GRAMD1A: variants seen among roughly 807,000 people sequenced by gnomAD.
GRAMD1A encodes the protein GRAM domain containing 1A, also known as protein Aster-A.
A neutral mutation model predicts 92.0 loss-of-function variants in GRAMD1A; 50 were observed. The observed-to-expected ratio is 0.54, with a 90% CI of 0.43 to 0.69. The LOEUF (loss-of-function observed/expected upper bound fraction) is 0.69, where lower values mean the gene tolerates loss of function less well. Among genes scored for constraint, GRAMD1A ranks in the 30% least tolerant of loss-of-function variants. The pLI, the probability that GRAMD1A is intolerant of heterozygous loss-of-function variation, is 0.00. For synonymous variants in GRAMD1A, 405 were observed against 403.6 expected (o/e 1.00, Z -0.04); for missense variants, 819 against 978.9 (o/e 0.84, Z 2.18).
At chr19:35,010,023 C>T (rs766742964) in intron 4 of GRAMD1A, 51 bp downstream of exon 4, 47 of 1,530,292 alleles carry the variant, frequency 3.1e-5, no homozygotes, top group South Asian at 4.5e-5. Flanking sequence ...TGTGACTCTC[C>T]GCCAGCCCGC....
At chr19:34,997,388 C>CAAAAAAAAAAAAAAAAAAA (rs540666102), upstream of GRAMD1A, among the ~76,000 whole-genome samples, 2 of 113,250 alleles carry the variant, frequency 1.8e-5, no homozygotes, top group Admixed American at 1.0e-4. Context: ...GCCAAAAAAA[C>CAAAAAAAAAAAAAAAAAAA]AAAAAAAAAA....
intron 13 of GRAMD1A, among the ~76,000 whole-genome samples, chr19:35,020,062 T>C (rs1600330411): frequency 6.7e-6 from 1 of 149,470 alleles, no homozygotes; most frequent in Admixed American, 6.7e-5. Context: ...ATGGCTGGAG[T>C]GGAGTAAGAT....
In GRAMD1A at chr19:35,009,365, A is replaced by G. The variant is rs2015055816; in HGVS notation, c.219+36A>G. On this transcript the variant is annotated intron_variant, in intron 2 of 19. Transcript: ENST00000317991. ...GCCCAGGTGGGGTGGGGAGAGGGCT[A>G]GTGGGGGCTGGCCGGTGATCTAGGG... The G allele has an allele frequency of 1.9e-6, 3 of 1,613,412 alleles. No homozygotes were observed. In the Middle Eastern group the frequency reaches 5.0e-4, roughly 267 times the overall value.
chr19:35,022,822 G>C lies in GRAMD1A; in HGVS notation c.1842-78G>C, dbSNP rs1156536478. ...GTGCTCTCAGCCAAGAGCTGCCCCG[G>C]GTGAGGAGGGCTGGGGGTGTCGGGG... On this transcript the variant is annotated intron_variant, in intron 16 of 19. Transcript: ENST00000317991. The C allele has an allele frequency of 4.0e-6, 6 of 1,496,478 alleles. No homozygotes were observed. In the South Asian group the frequency reaches 5.0e-5, roughly 12 times the overall value. The allele number at this position is 1,496,478 out of a possible 1,614,324, so 92.7% of individuals were successfully genotyped here. A position where few individuals can be genotyped will look rare whatever the true frequency, so the allele number is the denominator to read the frequency against.
chr19:35,014,926 GC>G, intron 10 of GRAMD1A: 1 of 159,180 alleles, frequency 6.3e-6, no homozygotes, highest in South Asian at 1.7e-4. Flanking sequence ...CAGCTACTTG[GC>G]AGACCAAGGC....
intron 10 of GRAMD1A, chr19:35,014,689 G>C (rs978905266): frequency 4.6e-6 from 2 of 435,338 alleles, no homozygotes; most frequent in African/African-American, 4.0e-5. Context: ...CTGAAAATGG[G>C]GTTAACAATG....
In GRAMD1A at chr19:35,022,924, G is replaced by A. The variant is rs1375287914; in HGVS notation, c.1853+13G>A. 2 of 1,589,002 alleles carry A rather than the reference G, an allele frequency of 1.3e-6. No individual in the cohort carries two copies. The highest frequency in any genetic ancestry group is 1.7e-6 in the Non-Finnish European group (2 of 1,165,274). Reference sequence around the variant, plus strand: ...GGATCTGTGTGAGGTAGGGTCCCGAGTCCTCCCCCTGCCCTCCCCTCCCTG... The same window carrying A: ...GGATCTGTGTGAGGTAGGGTCCCGAATCCTCCCCCTGCCCTCCCCTCCCTG... On this transcript the variant is annotated intron_variant, in intron 17 of 19. Coordinates refer to ENST00000317991, the MANE Select transcript of GRAMD1A (RefSeq NM_020895.5).
chr19:35,010,719 A>G, intron 6 of GRAMD1A: 1 of 532,890 alleles, frequency 1.9e-6, no homozygotes, highest in East Asian at 3.0e-5. Context: ...TGGTTGCAAG[A>G]TGGCTTTCTC....
chr19:35,017,178 A>G (rs898492186), intron 11 of GRAMD1A, among the ~76,000 whole-genome samples: 1 of 152,040 alleles, frequency 6.6e-6, no homozygotes, highest in African/African-American at 2.4e-5. Flanking sequence ...CCATTAAAAA[A>G]AAAAATGCTC....
At chr19:34,995,708 C>T (rs1489973793), upstream of GRAMD1A, among the ~76,000 whole-genome samples, 17 of 151,846 alleles carry the variant, frequency 1.1e-4, no homozygotes, top group Non-Finnish European at 2.4e-4. Context: ...CTCAGCCTCC[C>T]GAGTAGCCAG....
chr19:35,022,600 A>G (rs1276342027), intron 16 of GRAMD1A, among the ~76,000 whole-genome samples: 2 of 102,810 alleles, frequency 1.9e-5, no homozygotes, highest in Non-Finnish European at 4.1e-5. Context: ...GAGAGTGGAG[A>G]CCGCGTAGGC....
At chr19:35,005,090 G>T (rs191787641) in intron 1 of GRAMD1A, among the ~76,000 whole-genome samples, 1 of 152,134 alleles carries the variant, frequency 6.6e-6, no homozygotes, top group Non-Finnish European at 1.5e-5. Flanking sequence ...TCTATGGGGG[G>T]CGGGGAAGGA....
At chr19:35,006,922 G>A (rs536173932) in intron 1 of GRAMD1A, among the ~76,000 whole-genome samples, 43 of 152,314 alleles carry the variant, frequency 2.8e-4, no homozygotes, top group African/African-American at 7.2e-4. Context: ...TGGTGATGCC[G>A]GGGCCATGGA....
intron 10 of GRAMD1A, chr19:35,014,710 C>T (rs2015499947): frequency 2.6e-6 from 1 of 389,000 alleles, no homozygotes; most frequent in South Asian, 2.4e-5. Flanking sequence ...ATAATACCCA[C>T]TTCATAGGAT....
upstream of GRAMD1A, among the ~76,000 whole-genome samples, chr19:34,995,712 T>C (rs2014010245): frequency 6.6e-6 from 1 of 151,488 alleles, no homozygotes; most frequent in Non-Finnish European, 1.5e-5. Context: ...GCCTCCCGAG[T>C]AGCCAGGGCT....
chr19:35,026,345 C>CT lies in GRAMD1A; in HGVS notation c.*205dup. 1 of 588,342 alleles carries CT rather than the reference C, an allele frequency of 1.7e-6. No individual in the cohort carries two copies. The highest frequency in any genetic ancestry group is 2.1e-5 in the South Asian group (1 of 48,420). The allele number at this position is 588,342 out of a possible 1,614,324, so 36.4% of individuals were successfully genotyped here. On this transcript the variant is annotated 3_prime_UTR_variant, in exon 20 of 20. Coordinates refer to ENST00000317991, the MANE Select transcript of GRAMD1A (RefSeq NM_020895.5). Reference sequence around the variant, plus strand: ...GGCCCGGCCTCTGGCAGGCCCCCCACTAACTTATTTTGCCCGGCTGAGGTT... The same window carrying CT: ...GGCCCGGCCTCTGGCAGGCCCCCCACTTAACTTATTTTGCCCGGCTGAGGTT...
At chr19:34,995,676 G>C (rs2014008851), upstream of GRAMD1A, among the ~76,000 whole-genome samples, 1 of 148,232 alleles carries the variant, frequency 6.7e-6, no homozygotes, top group Non-Finnish European at 1.5e-5. Context: ...CAAATTCCGG[G>C]ATTCTCATGT....
intron 19 of GRAMD1A, 111 bp from the exon 20 acceptor site, chr19:35,025,938 C>A: frequency 1.4e-6 from 1 of 696,636 alleles, no homozygotes; most frequent in East Asian, 2.7e-5. Context: ...TGGGGTGGGG[C>A]AGTATGGCCT....
upstream of GRAMD1A, among the ~76,000 whole-genome samples, chr19:34,997,424 GA>G (rs948305311): frequency 5.7e-5 from 8 of 140,672 alleles, no homozygotes; most frequent in African/African-American, 1.3e-4. Flanking sequence ...GAAAAACAAA[GA>G]AAAAAAGAAA....
Sources: allele counts gnomAD v4.1 joint callset (sites outside exome capture counted in the v4.1 genomes callset), GRCh38; gene constraint gnomAD v4.1.1; transcripts MANE v1.5; gene names NCBI Gene and HGNC (gene_info 2026-07-23, HGNC 2026-07-21).